Variants in RYR3 observed in about 807,000 individuals in gnomAD.
RYR3 encodes the protein ryanodine receptor 3, also known as brain ryanodine receptor-calcium release channel.
In RYR3, 207 loss-of-function variants were observed where a neutral mutation model predicts 584.3. That is an observed-to-expected ratio of 0.35 (90% CI 0.32 to 0.40). The LOEUF (loss-of-function observed/expected upper bound fraction) is 0.40, where lower values mean the gene tolerates loss of function less well. Among genes scored for constraint, RYR3 ranks in the 10% least tolerant of loss-of-function variants. The probability of loss-of-function intolerance (pLI) is 1.00; values close to 1 mark genes in which losing one functional copy is unlikely to be tolerated. For synonymous variants in RYR3, 2,416 were observed against 2,248.5 expected, an observed-to-expected ratio of 1.07 and a Z score of -2.11; for missense variants, 5,616 against 6,089.2, an observed-to-expected ratio of 0.92 and a Z score of 2.59.
chr15:33,649,288 C>T (rs1247594619), intron 31 of RYR3, 53 bp downstream of exon 31: 2 of 1,544,110 alleles, frequency 1.3e-6, no homozygotes, highest in East Asian at 2.3e-5. Flanking sequence ...CAGTCCCTCC[C>T]CCCAGTCTTT....
At chr15:33,367,205 A>G (rs1975628110) in intron 1 of RYR3, among the ~76,000 whole-genome samples, 1 of 152,234 alleles carries the variant, frequency 6.6e-6, no homozygotes, top group Non-Finnish European at 1.5e-5. Context: ...ACCAGATGTT[A>G]AATTCTTTCA....
At chr15:33,406,696 G>C (rs1370826319) in intron 1 of RYR3, among the ~76,000 whole-genome samples, 1 of 152,198 alleles carries the variant, frequency 6.6e-6, no homozygotes, top group Admixed American at 6.5e-5. Context: ...GAACATAGCT[G>C]AAAGTTAACC....
chr15:33,456,903 T>A (rs1040669005), intron 1 of RYR3, among the ~76,000 whole-genome samples: 1 of 152,214 alleles, frequency 6.6e-6, no homozygotes, highest in African/African-American at 2.4e-5. Context: ...CTAAGCTGAC[T>A]TAGAGAATTA....
intron 6 of RYR3, among the ~76,000 whole-genome samples, chr15:33,540,324 G>A (rs1303867517): frequency 1.3e-5 from 2 of 152,122 alleles, no homozygotes; most frequent in Non-Finnish European, 2.9e-5. Flanking sequence ...TGCAGCTGGG[G>A]TTGGGTAATA....
chr15:33,726,568 A>G, intron 46 of RYR3, 62 bp downstream of exon 46: 1 of 1,508,216 alleles, frequency 6.6e-7, no homozygotes, highest in Non-Finnish European at 8.9e-7. Context: ...TCGGGGCAGG[A>G]CTCTGTCCCC....
chr15:33,853,031 G>C lies in RYR3; in HGVS notation c.13629-14G>C. The C allele has an allele frequency of 6.2e-7, 1 of 1,600,682 alleles. No homozygotes were observed. On this transcript the variant is annotated splice_polypyrimidine_tract_variant and intron_variant, in intron 94 of 103. Transcript: ENST00000634891. Reference sequence around the variant, plus strand: ...TAAGAATGAAGAACCAACCTTTTTCGTTTTGTTTTTCAGATCTTTTCCTAA... The same window carrying C: ...TAAGAATGAAGAACCAACCTTTTTCCTTTTGTTTTTCAGATCTTTTCCTAA...
chr15:33,311,158 G>A lies in RYR3; in HGVS notation c.51+62G>A, dbSNP rs1175100142. ...TGGGGAGGAGCGCGGAGCGCGGCGAGGAGGGGCTGGCTGCGCTGCGCCGCG... is the reference window on the plus strand; with the variant it reads ...TGGGGAGGAGCGCGGAGCGCGGCGAAGAGGGGCTGGCTGCGCTGCGCCGCG... On this transcript the variant is annotated intron_variant, in intron 1 of 103. Coordinates refer to ENST00000634891, the MANE Select transcript of RYR3 (RefSeq NM_001036.6). The surrounding 1 kb of genome is among the most constrained non-coding windows in gnomAD (Gnocchi z 4.4). 4 of 1,338,350 alleles carry A rather than the reference G, an allele frequency of 3.0e-6. No individual in the cohort carries two copies. The highest frequency in any genetic ancestry group is 4.1e-6 in the Non-Finnish European group (4 of 986,630). 82.9% of individuals were successfully genotyped at this position (1,338,350 alleles called of 1,614,324 possible).
In RYR3 at chr15:33,785,879, C is replaced by A; in HGVS notation, c.9486C>A (p.Thr3162=). The A allele has an allele frequency of 2.5e-6, 4 of 1,613,860 alleles. No homozygotes were observed. The highest frequency in any genetic ancestry group is 1.6e-4 in the Middle Eastern group (1 of 6,062). Residue 3162 remains threonine (T), a synonymous_variant, in exon 66 of 104, where the codon ACC becomes ACA. Transcript: ENST00000634891. The part of the protein sequence containing the change: ...NLPPSTGPCC[T]KVTSEHLSLI... The stretch of plus-strand genomic sequence containing the variant: ...CCCCCAGCACAGGGCCATGCTGCAC[C>A]AAGGTCACCTCTGAACACCTCAGTC...
intron 67 of RYR3, among the ~76,000 whole-genome samples, chr15:33,794,118 TA>T (rs1300983018): frequency 0.048 from 4,947 of 102,320 alleles, 135 homozygotes; most frequent in East Asian, 0.13. Flanking sequence ...ATAATATACA[TA>T]AATATATATT....
At chr15:33,476,007 C>T (rs1162483547) in intron 2 of RYR3, among the ~76,000 whole-genome samples, 2 of 152,080 alleles carry the variant, frequency 1.3e-5, no homozygotes, top group South Asian at 4.1e-4. Context: ...GTACACTTAA[C>T]AGCTAGAGTT....
At chr15:33,798,746 G>A (rs1004993816) in intron 67 of RYR3, among the ~76,000 whole-genome samples, 4 of 152,214 alleles carry the variant, frequency 2.6e-5, no homozygotes, top group Non-Finnish European at 5.9e-5. Context: ...TAGACAACCA[G>A]TAATGTCAGC....
intron 16 of RYR3, among the ~76,000 whole-genome samples, chr15:33,591,782 C>T (rs570711619): frequency 6.6e-6 from 1 of 152,224 alleles, no homozygotes; most frequent in South Asian, 2.1e-4. Context: ...ATCATTGATT[C>T]TCAGAAAGTA....
At chr15:33,665,918 C>A (rs1367273119) in intron 36 of RYR3, among the ~76,000 whole-genome samples, 2 of 152,198 alleles carry the variant, frequency 1.3e-5, no homozygotes, top group Non-Finnish European at 2.9e-5. Context: ...TCAAGAAATT[C>A]TTCACTAATG....
At position 33,838,103 on chromosome 15, in the gene RYR3, T is replaced by C; in HGVS notation, c.12123T>C (p.Ile4041=). Residue 4041 remains isoleucine (I), a synonymous_variant, in exon 89 of 104, where the codon ATT becomes ATC. Coordinates refer to ENST00000634891, the MANE Select transcript of RYR3 (RefSeq NM_001036.6). Reference sequence around the variant, plus strand: ...AGATCATGGGTGGGGCCAAGAAGATTGAGCGTGTTTATTTTGAGATCAGTG... The same window carrying C: ...AGATCATGGGTGGGGCCAAGAAGATCGAGCGTGTTTATTTTGAGATCAGTG... The part of the protein sequence containing the change: ...RIEIMGGAKK[I]ERVYFEISES... The C allele has an allele frequency of 6.2e-7, 1 of 1,613,794 alleles. No homozygotes were observed. Among genetic ancestry groups the C allele is most frequent in the Non-Finnish European group, 8.5e-7 (1 of 1,179,866 alleles).
At chr15:33,665,002 G>A (rs1204912293) in intron 36 of RYR3, among the ~76,000 whole-genome samples, 1 of 152,176 alleles carries the variant, frequency 6.6e-6, no homozygotes, top group Non-Finnish European at 1.5e-5. Flanking sequence ...CCTTTGGATT[G>A]ACTGGAACAG....
chr15:33,508,051 C>T (rs951259213), intron 3 of RYR3, among the ~76,000 whole-genome samples: 3 of 152,120 alleles, frequency 2.0e-5, no homozygotes, highest in Non-Finnish European at 4.4e-5. Context: ...TGGGTTCTGA[C>T]ATGAACTGGC....
chr15:33,764,132 G>A (rs182051755), intron 60 of RYR3, among the ~76,000 whole-genome samples: 274 of 152,122 alleles, frequency 1.8e-3, no homozygotes, highest in Non-Finnish European at 3.3e-3. Context: ...GCCCGTGTAC[G>A]TTTATTGCAG....
intron 1 of RYR3, among the ~76,000 whole-genome samples, chr15:33,326,918 C>T (rs975900265): frequency 6.6e-6 from 1 of 151,830 alleles, no homozygotes; most frequent in African/African-American, 2.4e-5. Flanking sequence ...ATATTAATTT[C>T]TTCAACTTAT....
Position 33,553,459 on chromosome 15 carries a change from A to G in RYR3, c.972+3143A>G, listed in dbSNP as rs76639957. On this transcript the variant is annotated intron_variant, in intron 10 of 103. Transcript: ENST00000634891. ...GTGCCCCAGTGCATCTTGTATGTGC[A>G]TAAGATGGAGGTGTGATTGAGCCTT... Among the ~76,000 whole-genome samples the G allele has an allele frequency of 5.8e-3, 878 of 152,304 alleles. 45 individuals are homozygous for G. In the East Asian group the frequency reaches 0.13, roughly 22 times the overall value.
Sources: allele counts gnomAD v4.1 joint callset (sites outside exome capture counted in the v4.1 genomes callset), GRCh38; gene constraint gnomAD v4.1.1; non-coding constraint Gnocchi (gnomAD v3.1); transcripts MANE v1.5; gene names NCBI Gene and HGNC (gene_info 2026-07-23, HGNC 2026-07-21).